The following CKMT2 variants were observed in gnomAD, a reference collection of about 807,000 sequenced individuals.
The protein encoded by CKMT2 is creatine kinase, mitochondrial 2, also known as creatine kinase S-type, mitochondrial.
Under a neutral mutation model 48.9 loss-of-function variants are expected in CKMT2, and 43 were observed. The ratio of observed to expected loss-of-function variants is 0.88; its 90% CI spans 0.69 to 1.13. The LOEUF is 1.13. CKMT2 is among the 50% of genes most tolerant of loss of function. The pLI, the probability that CKMT2 is intolerant of heterozygous loss-of-function variation, is 0.00. For missense variants in CKMT2, 472 were observed against 555.4 expected (o/e 0.85, Z 1.51); for synonymous variants, 206 against 213.0 (o/e 0.97, Z 0.29).
intron 3 of CKMT2, 25 bp downstream of exon 3, chr5:81,252,918 A>C: frequency 6.2e-7 from 1 of 1,612,412 alleles, no homozygotes; most frequent in Non-Finnish European, 8.5e-7. Context: ...TGCTGGTTCC[A>C]GGGTGGGAGG....
intron 1 of CKMT2, among the ~76,000 whole-genome samples, chr5:81,245,696 C>T (rs906027194): frequency 6.6e-6 from 1 of 152,134 alleles, no homozygotes; most frequent in Non-Finnish European, 1.5e-5. Flanking sequence ...TTGAAAGAGT[C>T]CCAGGAGCCA....
chr5:81,256,819 C>A, intron 5 of CKMT2, 96 bp from the exon 6 acceptor site: 2 of 802,746 alleles, frequency 2.5e-6, no homozygotes, highest in South Asian at 1.7e-5. Flanking sequence ...GAGACAGCAG[C>A]CATGATAAGT....
rs530489375 is a variant in CKMT2 at position 81,247,381 on chromosome 5, T to C, written c.-20-3732T>C. 4.6e-5 allele frequency among the ~76,000 whole-genome samples: 7 copies of C among 152,332 alleles called. No homozygotes were observed. In the South Asian group the frequency reaches 1.5e-3, roughly 32 times the overall value. On this transcript the variant is annotated intron_variant, in intron 1 of 9. Coordinates refer to ENST00000254035, the MANE Select transcript of CKMT2 (RefSeq NM_001099735.2). The stretch of plus-strand genomic sequence containing the variant: ...AGATTACCCCTTACAAACAAACATC[T>C]TCCCAGCTTTACTTATGCCACATGT...
At chr5:81,260,440 C>A (rs572634646) in intron 8 of CKMT2, among the ~76,000 whole-genome samples, 2 of 152,078 alleles carry the variant, frequency 1.3e-5, no homozygotes, top group Non-Finnish European at 2.9e-5. Flanking sequence ...AATCCAGGAG[C>A]GGGTTTTTTG....
At chr5:81,247,976 T>C (rs1410645348) in intron 1 of CKMT2, among the ~76,000 whole-genome samples, 1 of 152,140 alleles carries the variant, frequency 6.6e-6, no homozygotes, top group Non-Finnish European at 1.5e-5. Context: ...AAATAATAAT[T>C]ATAAATTAAT....
intron 1 of CKMT2, chr5:81,237,997 C>G (rs1375138585): frequency 1.3e-5 from 2 of 152,180 alleles, no homozygotes; most frequent in Non-Finnish European, 2.9e-5. Context: ...TAATCCATAG[C>G]AGACTCACAC....
At chr5:81,238,813 G>A (rs1756337064) in intron 1 of CKMT2, 1 of 152,318 alleles carries the variant, frequency 6.6e-6, no homozygotes, top group South Asian at 2.1e-4. Context: ...TGACCCACCA[G>A]GCAAATTTGG....
At position 81,254,493 on chromosome 5, in the gene CKMT2, T is replaced by G; in HGVS notation, c.447+2T>G. 6.2e-7 allele frequency: 1 copy of G among 1,612,286 alleles called. No homozygotes were observed. Among genetic ancestry groups the G allele is most frequent in the Admixed American group, 1.7e-5 (1 of 60,002 alleles). On this transcript the variant is annotated splice_donor_variant, in intron 4 of 9. Coordinates refer to ENST00000254035, the MANE Select transcript of CKMT2 (RefSeq NM_001099735.2). LOFTEE classifies it high-confidence loss of function. The stretch of plus-strand genomic sequence containing the variant: ...ACAACGGATCTGGATGCATCAAAGG[T>G]AGGCTCCAGCCTCCCTCTCCTTCCC...
chr5:81,243,475 AAACC>A (rs1256478673), intron 1 of CKMT2, among the ~76,000 whole-genome samples: 1 of 152,210 alleles, frequency 6.6e-6, no homozygotes, highest in East Asian at 1.9e-4. Flanking sequence ...TAGAAACAGC[AAACC>A]AATATTTTAA....
At chr5:81,259,426 T>C in intron 8 of CKMT2, 172 bp downstream of exon 8, 1 of 527,614 alleles carries the variant, frequency 1.9e-6, no homozygotes, top group Non-Finnish European at 3.1e-6. Context: ...TTAGTTAGAA[T>C]AAAAGGTTCA....
At chr5:81,244,700 A>T (rs993906038) in intron 1 of CKMT2, 1 of 152,148 alleles carries the variant, frequency 6.6e-6, no homozygotes, top group African/African-American at 2.4e-5. Context: ...CAAACCTCTC[A>T]TTGCCCTTCC....
intron 9 of CKMT2, among the ~76,000 whole-genome samples, chr5:81,265,350 G>C (rs1233812857): frequency 6.6e-6 from 1 of 152,142 alleles, no homozygotes; most frequent in Non-Finnish European, 1.5e-5. Flanking sequence ...GATAGATAGG[G>C]AGGCAGCTGG....
chr5:81,243,308 G>A (rs1756498816), intron 1 of CKMT2, among the ~76,000 whole-genome samples: 1 of 152,232 alleles, frequency 6.6e-6, no homozygotes, highest in African/African-American at 2.4e-5. Flanking sequence ...TCTTGAGCTA[G>A]AAGGGAACAG....
chr5:81,239,623 G>A (rs1756367722), intron 1 of CKMT2, among the ~76,000 whole-genome samples: 1 of 152,140 alleles, frequency 6.6e-6, no homozygotes. Flanking sequence ...GCAGGTGGAG[G>A]CATGCAATAC....
intron 4 of CKMT2, 90 bp from the exon 5 acceptor site, chr5:81,254,903 A>G: frequency 9.3e-7 from 1 of 1,070,922 alleles, no homozygotes; most frequent in Non-Finnish European, 1.4e-6. Context: ...GTCCCCAGGG[A>G]AACTGCAGAT....
chr5:81,239,033 C>G (rs148583851), intron 1 of CKMT2: 1 of 152,100 alleles, frequency 6.6e-6, no homozygotes, highest in African/African-American at 2.4e-5. Context: ...GATGGACAAA[C>G]GGATGGATGA....
At chr5:81,243,465 T>C (rs115106747) in intron 1 of CKMT2, among the ~76,000 whole-genome samples, 43 of 152,290 alleles carry the variant, frequency 2.8e-4, no homozygotes, top group African/African-American at 1.0e-3. Flanking sequence ...TAGCACAAAA[T>C]AGAAACAGCA....
chr5:81,233,620 G>A (rs2077095), intron 1 of CKMT2, among the ~76,000 whole-genome samples: 186 of 152,232 alleles, frequency 1.2e-3, no homozygotes, highest in South Asian at 5.0e-3. Flanking sequence ...AAATCAGCAC[G>A]CTGCCTGCAG....
chr5:81,248,295 A>G (rs1417981241), intron 1 of CKMT2, among the ~76,000 whole-genome samples: 2 of 152,230 alleles, frequency 1.3e-5, no homozygotes, highest in Non-Finnish European at 2.9e-5. Context: ...TAGGAAGACC[A>G]TGTCTGGCTT....
Sources: gnomAD v4.1 joint callset for allele counts (sites outside exome capture counted in the v4.1 genomes callset) on GRCh38, gnomAD v4.1.1 for gene constraint, MANE v1.5 for transcripts, NCBI Gene and HGNC (gene_info 2026-07-23, HGNC 2026-07-21) for gene names.